Variants in CNTN3 observed in about 807,000 individuals in gnomAD.
The protein encoded by CNTN3 is contactin 3.
CNTN3 carries 60 observed loss-of-function variants against 119.1 expected under a neutral mutation model. That is an observed-to-expected ratio of 0.50 (90% confidence interval 0.41 to 0.62). CNTN3 has a LOEUF of 0.62. CNTN3 is among the 20% of genes least tolerant of loss of function. The probability of loss-of-function intolerance (pLI) is 0.00; values close to 1 mark genes in which losing one functional copy is unlikely to be tolerated. For synonymous variants in CNTN3, 450 were observed against 438.7 expected, an observed-to-expected ratio of 1.03 and a Z score of -0.32; for missense variants, 1,101 against 1,242.4, an observed-to-expected ratio of 0.89 and a Z score of 1.71.
intron 1 of CNTN3, among the ~76,000 whole-genome samples, chr3:74,589,528 C>G (rs1704661696): frequency 6.9e-6 from 1 of 145,520 alleles, no homozygotes; most frequent in African/African-American, 2.6e-5. Flanking sequence ...ACTAGTTCAA[C>G]CATTGTGGAA....
At chr3:74,586,795 C>T (rs1202247806) in intron 1 of CNTN3, among the ~76,000 whole-genome samples, 1 of 152,080 alleles carries the variant, frequency 6.6e-6, no homozygotes, top group East Asian at 1.9e-4. Context: ...AAAGCCATAA[C>T]TCAAGCAGGA....
chr3:74,348,728 G>A (rs115110100), intron 11 of CNTN3, among the ~76,000 whole-genome samples: 4 of 152,140 alleles, frequency 2.6e-5, no homozygotes, highest in African/African-American at 7.2e-5. Flanking sequence ...AATCTCTGCC[G>A]GAATGCCTGA....
At position 74,336,560 on chromosome 3, in the gene CNTN3, G is replaced by C; in HGVS notation, c.1463C>G (p.Ala488Gly). The change falls in exon 12 of 23, where the codon GCA becomes GGA. Residue 488 changes from alanine to glycine, a missense_variant. By Grantham distance (60) the Ala-to-Gly change is moderately conservative. Transcript: ENST00000263665. ...AACAACCAAATGTGTTGTGCCATTTGCTTTCCCAAACTGGTTTTCTGCCAT... is the reference window on the plus strand; with the variant it reads ...AACAACCAAATGTGTTGTGCCATTTCCTTTCCCAAACTGGTTTTCTGCCAT... ...TCMAENQFGK[A>G]NGTTHLVVTE... is the part of the protein sequence containing the mutation. 1 of 1,612,816 alleles carries C rather than the reference G, an allele frequency of 6.2e-7. No homozygotes were observed. The highest frequency in any genetic ancestry group is 8.5e-7 in the Non-Finnish European group (1 of 1,179,084).
chr3:74,456,090 G>A (rs1702263546), intron 4 of CNTN3, among the ~76,000 whole-genome samples: 3 of 152,018 alleles, frequency 2.0e-5, no homozygotes, highest in African/African-American at 7.2e-5. Context: ...TATTACTACT[G>A]TAAAATGTCC....
chr3:74,470,980 G>A (rs573368576), intron 4 of CNTN3, among the ~76,000 whole-genome samples: 3 of 151,918 alleles, frequency 2.0e-5, no homozygotes, highest in Admixed American at 6.6e-5. Context: ...GGGTTCAAGC[G>A]ATTCTCCTGC....
At chr3:74,590,517 C>A (rs1282620376) in intron 1 of CNTN3, among the ~76,000 whole-genome samples, 2 of 151,942 alleles carry the variant, frequency 1.3e-5, no homozygotes, top group East Asian at 3.9e-4. Context: ...GTGCTCAGAG[C>A]AACAGCTCTT....
At chr3:74,417,105 G>T (rs1240639319) in intron 5 of CNTN3, among the ~76,000 whole-genome samples, 5 of 152,154 alleles carry the variant, frequency 3.3e-5, no homozygotes, top group Admixed American at 3.3e-4. Flanking sequence ...GAATGAGAGT[G>T]ATACTCTCTT....
chr3:74,337,629 T>TCACTA (rs1362559508), intron 11 of CNTN3, among the ~76,000 whole-genome samples: 1 of 152,024 alleles, frequency 6.6e-6, no homozygotes, highest in East Asian at 1.9e-4. Flanking sequence ...TGAGACTTAT[T>TCACTA]CACTACCACA....
intron 4 of CNTN3, among the ~76,000 whole-genome samples, chr3:74,471,735 T>C (rs959183767): frequency 1.3e-5 from 2 of 152,230 alleles, no homozygotes; most frequent in African/African-American, 4.8e-5. Flanking sequence ...TTTTCACTTC[T>C]GCCTTTAAGG....
intron 2 of CNTN3, among the ~76,000 whole-genome samples, chr3:74,519,068 T>G (rs1364793856): frequency 6.6e-6 from 1 of 151,904 alleles, no homozygotes; most frequent in Non-Finnish European, 1.5e-5. Context: ...TAGGCTTAAG[T>G]GTATATTTAT....
At chr3:74,452,805 T>C (rs1257693950) in intron 4 of CNTN3, among the ~76,000 whole-genome samples, 1 of 151,902 alleles carries the variant, frequency 6.6e-6, no homozygotes, top group Non-Finnish European at 1.5e-5. Flanking sequence ...TCTGTTTATA[T>C]GCTGGATTAC....
intron 13 of CNTN3, among the ~76,000 whole-genome samples, chr3:74,305,162 A>G (rs1702535216): frequency 1.3e-5 from 2 of 152,338 alleles, no homozygotes; most frequent in Non-Finnish European, 2.9e-5. Context: ...GAAACAAGTT[A>G]TGTTTACAAA....
At chr3:74,451,109 A>C (rs1702145474) in intron 4 of CNTN3, among the ~76,000 whole-genome samples, 1 of 152,048 alleles carries the variant, frequency 6.6e-6, no homozygotes, top group African/African-American at 2.4e-5. Flanking sequence ...ACAATGGTTG[A>C]ACTAGTTTAC....
intron 1 of CNTN3, among the ~76,000 whole-genome samples, chr3:74,585,048 C>T (rs1000466228): frequency 1.3e-5 from 2 of 152,126 alleles, no homozygotes; most frequent in Non-Finnish European, 2.9e-5. Flanking sequence ...ATAATCTAAC[C>T]AGTCAGGTAA....
At chr3:74,370,044 C>T (rs1047342704) in intron 6 of CNTN3, 53 bp from the exon 7 acceptor site, 15 of 986,098 alleles carry the variant, frequency 1.5e-5, no homozygotes, top group South Asian at 1.5e-5. Flanking sequence ...TTAGAATTGC[C>T]TCGTTTTTCT....
At chr3:74,505,885 C>G (rs140282787) in intron 2 of CNTN3, among the ~76,000 whole-genome samples, 10 of 152,102 alleles carry the variant, frequency 6.6e-5, no homozygotes, top group African/African-American at 2.4e-4. Context: ...TGATGAAAAC[C>G]CTTTAAATTG....
intron 4 of CNTN3, among the ~76,000 whole-genome samples, chr3:74,453,227 T>C (rs550646472): frequency 1.5e-5 from 2 of 134,694 alleles, no homozygotes; most frequent in South Asian, 4.5e-4. Context: ...ATTCAACTTC[T>C]TCCTGGTTTA....
chr3:74,365,914 G>T (rs1029635724), intron 8 of CNTN3, among the ~76,000 whole-genome samples: 2 of 152,050 alleles, frequency 1.3e-5, no homozygotes, highest in African/African-American at 4.8e-5. Flanking sequence ...GATGGAAGTT[G>T]CAATCTGTTA....
At chr3:74,332,785 T>C (rs1238076888) in intron 13 of CNTN3, among the ~76,000 whole-genome samples, 1 of 152,228 alleles carries the variant, frequency 6.6e-6, no homozygotes, top group Non-Finnish European at 1.5e-5. Flanking sequence ...TTCATTATAA[T>C]GGCAAAGGTG....
Sources: allele counts gnomAD v4.1 joint callset (sites outside exome capture counted in the v4.1 genomes callset), GRCh38; gene constraint gnomAD v4.1.1; transcripts MANE v1.5; gene names NCBI Gene and HGNC (gene_info 2026-07-23, HGNC 2026-07-21).